Variants in APAF1 observed in about 807,000 individuals in gnomAD.
The protein encoded by APAF1 is apoptotic protease-activating factor 1.
In APAF1, 91 loss-of-function variants were observed where a neutral mutation model predicts 152.4. The ratio of observed to expected loss-of-function variants is 0.60; its 90% CI spans 0.50 to 0.71. APAF1 has a LOEUF of 0.71. Among genes scored for constraint, APAF1 ranks in the 30% least tolerant of loss-of-function variants. The pLI, the probability that APAF1 is intolerant of heterozygous loss-of-function variation, is 0.00. For synonymous variants in APAF1, 484 were observed against 494.1 expected, an observed-to-expected ratio of 0.98 and a Z score of 0.27; for missense variants, 1,283 against 1,472.0, an observed-to-expected ratio of 0.87 and a Z score of 2.10.
intron 7 of APAF1, among the ~76,000 whole-genome samples, chr12:98,664,650 C>T (rs988919055): frequency 3.3e-5 from 5 of 152,100 alleles, no homozygotes; most frequent in Admixed American, 1.3e-4. Context: ...CCTCCTGCCC[C>T]AGCCTCCTGA....
intron 12 of APAF1, among the ~76,000 whole-genome samples, chr12:98,676,543 A>G (rs1048036089): frequency 2.0e-5 from 3 of 152,154 alleles, no homozygotes; most frequent in Admixed American, 1.3e-4. Context: ...CAGTAATATA[A>G]TATCTATACT....
At chr12:98,647,844 A>G (rs1228099070) in intron 1 of APAF1, among the ~76,000 whole-genome samples, 2 of 151,886 alleles carry the variant, frequency 1.3e-5, no homozygotes, top group East Asian at 3.9e-4. Context: ...ATCTATATTC[A>G]GAATGATGGA....
Position 98,686,782 on chromosome 12 carries a change from C to A in APAF1, c.2213C>A (p.Thr738Asn), listed in dbSNP as rs1441682462. 6.2e-7 allele frequency: 1 copy of A among 1,613,558 alleles called. No individual in the cohort carries two copies. The highest frequency in any genetic ancestry group is 1.7e-5 in the Admixed American group (1 of 59,998). ...TTGAATCAAAAAGAATGTCGAAATACCATGTTTGGTCATACAAATTCAGTC... is the reference window on the plus strand; with the variant it reads ...TTGAATCAAAAAGAATGTCGAAATAACATGTTTGGTCATACAAATTCAGTC... ...WDLNQKECRN[T>N]MFGHTNSVNH... Residue 738 changes from threonine (T) to asparagine (N), a missense_variant, in exon 16 of 27, where the codon ACC becomes AAC. By Grantham distance (65) the Thr-to-Asn change is moderately conservative. Coordinates refer to ENST00000551964, the MANE Select transcript of APAF1 (RefSeq NM_181861.2).
At chr12:98,725,586 G>A in intron 25 of APAF1, 46 bp downstream of exon 25, 3 of 1,613,358 alleles carry the variant, frequency 1.9e-6, no homozygotes, top group Non-Finnish European at 2.5e-6. Flanking sequence ...TTGTAGCTTG[G>A]GCTAGCACTG....
intron 16 of APAF1, among the ~76,000 whole-genome samples, chr12:98,698,624 G>T (rs2153333563): frequency 6.6e-6 from 1 of 152,258 alleles, no homozygotes; most frequent in Non-Finnish European, 1.5e-5. Context: ...GGTTTTACCT[G>T]GGAGTTGTGC....
intron 24 of APAF1, among the ~76,000 whole-genome samples, chr12:98,724,033 T>A (rs561504142): frequency 4.6e-5 from 7 of 152,336 alleles, no homozygotes; most frequent in African/African-American, 1.7e-4. Context: ...GCAATAAAAA[T>A]CATTGAAAAG....
intron 21 of APAF1, 64 bp from the exon 22 acceptor site, chr12:98,715,363 T>C (rs750495766): frequency 2.0e-6 from 3 of 1,525,114 alleles, no homozygotes; most frequent in African/African-American, 1.4e-5. Flanking sequence ...TTAATATCTT[T>C]GGGGTGTAAT....
chr12:98,710,182 T>G (rs897545430), intron 20 of APAF1, among the ~76,000 whole-genome samples: 2 of 150,154 alleles, frequency 1.3e-5, no homozygotes, highest in African/African-American at 4.9e-5. Context: ...CCTAAGGGTT[T>G]TTTTTTTTTT....
rs144267380 is a variant in APAF1 at position 98,669,521 on chromosome 12, C to A, written c.1495-1452C>A. 7.3e-3 allele frequency among the ~76,000 whole-genome samples: 1,118 copies of A among 152,234 alleles called. 14 individuals carry two copies. Among genetic ancestry groups the A allele is most frequent in the Non-Finnish European group, 7.9e-3 (534 of 68,010 alleles). The stretch of plus-strand genomic sequence containing the variant: ...CAAATGGGATCATAATAGAAATAGT[C>A]TCATATATTGCTTTTTACCATTTAA... On this transcript the variant is annotated intron_variant, in intron 10 of 26. Transcript: ENST00000551964.
intron 4 of APAF1, among the ~76,000 whole-genome samples, chr12:98,657,970 A>G (rs1228745749): frequency 6.6e-6 from 1 of 152,224 alleles, no homozygotes; most frequent in Admixed American, 6.5e-5. Context: ...TTGGGTGATT[A>G]GGTTTTTAAA....
chr12:98,732,747 C>A lies in APAF1; in HGVS notation c.*181C>A, dbSNP rs1290988539. The stretch of plus-strand genomic sequence containing the variant: ...GTAGCTTTTTCCCAAATGAACATAC[C>A]TTTAATCTTGTTTTTCATGATCATC... On this transcript the variant is annotated 3_prime_UTR_variant, in exon 27 of 27. Coordinates refer to ENST00000551964, the MANE Select transcript of APAF1 (RefSeq NM_181861.2). 1.6e-5 allele frequency: 9 copies of A among 575,970 alleles called. No homozygotes were observed. Among genetic ancestry groups the A allele is most frequent in the Non-Finnish European group, 2.7e-5 (9 of 327,428 alleles). The allele number at this position is 575,970 out of a possible 1,614,324, so 35.7% of individuals were successfully genotyped here. A position where few individuals can be genotyped will look rare whatever the true frequency, so the allele number is the denominator to read the frequency against.
At chr12:98,724,780 T>C (rs897698362) in intron 24 of APAF1, among the ~76,000 whole-genome samples, 5 of 152,214 alleles carry the variant, frequency 3.3e-5, no homozygotes, top group Admixed American at 6.5e-5. Context: ...ATAGTGACTG[T>C]AGCTAGTTTA....
chr12:98,719,044 G>C (rs1447858655), intron 22 of APAF1, among the ~76,000 whole-genome samples: 2 of 152,072 alleles, frequency 1.3e-5, no homozygotes, highest in South Asian at 4.1e-4. Flanking sequence ...CTACTCCATT[G>C]GATTCTATTC....
rs111410833 is a variant in APAF1 at position 98,661,826 on chromosome 12, C to T, written c.711-630C>T. On this transcript the variant is annotated intron_variant, in intron 5 of 26. Transcript: ENST00000551964. ...AAATGTTATTGTATAATTATGCTATCAGGTTTTAGTTATATTTTTTCCCCT... is the reference window on the plus strand; with the variant it reads ...AAATGTTATTGTATAATTATGCTATTAGGTTTTAGTTATATTTTTTCCCCT... Among the ~76,000 whole-genome samples the T allele has an allele frequency of 9.9e-3, 1,499 of 151,758 alleles. 25 individuals carry two copies. The highest frequency in any genetic ancestry group is 0.034 in the African/African-American group (1,413 of 41,334).
At chr12:98,701,444 C>T (rs78152264) in intron 17 of APAF1, among the ~76,000 whole-genome samples, 11 of 152,182 alleles carry the variant, frequency 7.2e-5, no homozygotes, top group African/African-American at 2.7e-4. Context: ...ACAGCAGCTG[C>T]ACCGTTTTAC....
chr12:98,708,513 T>G (rs974801231), intron 19 of APAF1, 72 bp from the exon 20 acceptor site: 22 of 1,491,414 alleles, frequency 1.5e-5, no homozygotes, highest in Non-Finnish European at 1.9e-5. Flanking sequence ...TGAAACATAG[T>G]TTGTCTCTCG....
rs368720372 is a variant in APAF1, at chr12:98,702,835, C to T, written c.2467-536C>T. ...CAGCCTGGGCAACAAGAGCAGAAGT[C>T]TGTCTCAAAAAAAAAAAAAAAAAAT... On this transcript the variant is annotated intron_variant, in intron 17 of 26. Coordinates refer to ENST00000551964, the MANE Select transcript of APAF1 (RefSeq NM_181861.2). Among the ~76,000 whole-genome samples, 9 of 138,132 alleles carry T rather than the reference C, an allele frequency of 6.5e-5. 2 individuals are homozygous for T. The highest frequency in any genetic ancestry group is 2.1e-4 in the East Asian group (1 of 4,812). 90.6% of individuals were successfully genotyped at this position (138,132 alleles called of 152,430 possible). A position where few individuals can be genotyped will look rare whatever the true frequency, so the allele number is the denominator to read the frequency against.
chr12:98,667,765 ATTTTTTTTTT>A lies in APAF1; in HGVS notation c.1494+136_1494+145del, dbSNP rs71305589. 1.1e-4 allele frequency: 34 copies of A among 322,500 alleles called. No individual in the cohort carries two copies. The East Asian group carries it at 1.5e-3, about 14-fold the overall frequency. 20.0% of individuals were successfully genotyped at this position (322,500 alleles called of 1,614,324 possible). A position where few individuals can be genotyped will look rare whatever the true frequency, so the allele number is the denominator to read the frequency against. The stretch of plus-strand genomic sequence containing the variant: ...TTTTGTTCATATTGCTTTCCATTTG[ATTTTTTTTTT>A]TTTTTTTTTTTTTTGAGACAGGGTC... On this transcript the variant is annotated intron_variant, in intron 10 of 26. Transcript: ENST00000551964.
chr12:98,682,311 C>T (rs1168448473), intron 14 of APAF1, among the ~76,000 whole-genome samples: 1 of 152,134 alleles, frequency 6.6e-6, no homozygotes, highest in East Asian at 1.9e-4. Context: ...CCTCGGCCTC[C>T]CAAAGTGCTG....
Sources: gnomAD v4.1 joint callset for allele counts (sites outside exome capture counted in the v4.1 genomes callset) on GRCh38, gnomAD v4.1.1 for gene constraint, MANE v1.5 for transcripts, NCBI Gene and HGNC (gene_info 2026-07-23, HGNC 2026-07-21) for gene names.